Variants in TRIM24 observed in about 807,000 individuals in gnomAD.
TRIM24 encodes transcription intermediary factor 1-alpha.
TRIM24 carries 29 observed loss-of-function variants against 123.9 expected under a neutral mutation model. The ratio of observed to expected loss-of-function variants is 0.23; its 90% confidence interval spans 0.17 to 0.32. The LOEUF is 0.32. TRIM24 is among the 10% of genes least tolerant of loss of function. The probability of loss-of-function intolerance (pLI) is 1.00; values close to 1 mark genes in which losing one functional copy is unlikely to be tolerated. For synonymous variants in TRIM24, 456 were observed against 461.1 expected (o/e 0.99, Z 0.14); for missense variants, 932 against 1,295.3 (o/e 0.72, Z 4.31).
At position 138,460,352 on chromosome 7, in the gene TRIM24, G is replaced by C. The variant is rs1389711931; in HGVS notation, c.-197G>C. 4.3e-6 allele frequency: 2 copies of C among 470,572 alleles called. No individual in the cohort carries two copies. The highest frequency in any genetic ancestry group is 6.8e-6 in the Non-Finnish European group (2 of 292,928). The allele number at this position is 470,572 out of a possible 1,614,324, so 29.1% of individuals were successfully genotyped here. On this transcript the variant is annotated 5_prime_UTR_variant, in exon 1 of 19. Coordinates refer to ENST00000343526, the MANE Select transcript of TRIM24 (RefSeq NM_015905.3). ...CTCCGCTGACAGATACCCTCCTTCC[G>C]GCCGCGCCACTCGGGAGGCGGATCC...
chr7:138,485,795 T>C (rs934322836), intron 1 of TRIM24, among the ~76,000 whole-genome samples: 1 of 152,204 alleles, frequency 6.6e-6, no homozygotes, highest in Non-Finnish European at 1.5e-5. Flanking sequence ...AGTGCCACAA[T>C]AAACATACAT....
chr7:138,520,072 T>C (rs1796474926), intron 4 of TRIM24, among the ~76,000 whole-genome samples: 1 of 152,104 alleles, frequency 6.6e-6, no homozygotes, highest in African/African-American at 2.4e-5. Flanking sequence ...TAGTAAAGCA[T>C]TATTGGACAG....
chr7:138,536,824 A>G (rs1028198238), intron 6 of TRIM24, among the ~76,000 whole-genome samples: 4 of 152,180 alleles, frequency 2.6e-5, no homozygotes, highest in African/African-American at 9.6e-5. Flanking sequence ...TGGCGTCTGC[A>G]GAGGCACGCA....
intron 6 of TRIM24, among the ~76,000 whole-genome samples, chr7:138,531,341 A>G (rs1488038262): frequency 2.0e-5 from 3 of 147,232 alleles, no homozygotes; most frequent in African/African-American, 8.1e-5. Context: ...TACATTAGGT[A>G]TATCTCCCAA....
In TRIM24 at chr7:138,538,718, C is replaced by G. The variant is rs912601127; in HGVS notation, c.1058C>G (p.Ser353Cys). 6.2e-7 allele frequency: 1 copy of G among 1,613,992 alleles called. No homozygotes were observed. The highest frequency in any genetic ancestry group is 8.5e-7 in the Non-Finnish European group (1 of 1,179,932). Residue 353 changes from serine (S) to cysteine (C), a missense_variant, in exon 7 of 19, where the codon TCT becomes TGT. This residue lies in a region of TRIM24 where 527 missense variants were observed against 691.3 expected (regional missense o/e 0.76). Coordinates refer to ENST00000343526, the MANE Select transcript of TRIM24 (RefSeq NM_015905.3). ...CAACAACAGGAAGTGGCTGGACTCTCTAAACAATTGGAGCATGTCATGCAT... is the reference window on the plus strand; with the variant it reads ...CAACAACAGGAAGTGGCTGGACTCTGTAAACAATTGGAGCATGTCATGCAT... ...MQQQQEVAGL[S>C]KQLEHVMHFS... is the part of the protein sequence containing the mutation.
chr7:138,551,209 C>A, intron 8 of TRIM24, 29 bp downstream of exon 8: 1 of 1,541,684 alleles, frequency 6.5e-7, no homozygotes, highest in Non-Finnish European at 9.0e-7. Context: ...ATACATTTCT[C>A]AGTGGCATTT....
At chr7:138,558,507 C>T (rs1797361913) in intron 9 of TRIM24, among the ~76,000 whole-genome samples, 1 of 152,126 alleles carries the variant, frequency 6.6e-6, no homozygotes, top group African/African-American at 2.4e-5. Context: ...GATGGTTCCT[C>T]CACATGCATA....
chr7:138,567,595 C>T lies in TRIM24; in HGVS notation c.1645C>T (p.Gln549Ter). 6.2e-7 allele frequency: 1 copy of T among 1,613,872 alleles called. No individual in the cohort carries two copies. Among genetic ancestry groups the T allele is most frequent in the Non-Finnish European group, 8.5e-7 (1 of 1,179,878 alleles). ...TCCACCAAACCAGAACATACCACGA[C>T]AAGCAATAAAGCCAAACCCCCTACA... ...RYPPNQNIPR[Q>*]AIKPNPLQMA... The change falls in exon 10 of 19, where the codon CAA (glutamine) becomes TAA (stop). Residue 549 changes from glutamine to a stop codon, truncating the protein, a stop_gained. Coordinates refer to ENST00000343526, the MANE Select transcript of TRIM24 (RefSeq NM_015905.3). LOFTEE classifies it high-confidence loss of function.
chr7:138,478,438 A>G (rs1795451895), intron 1 of TRIM24, among the ~76,000 whole-genome samples: 1 of 152,160 alleles, frequency 6.6e-6, no homozygotes, highest in African/African-American at 2.4e-5. Context: ...GACTAATTCA[A>G]GACCAGCCTG....
At chr7:138,528,119 C>A (rs1195238319) in intron 5 of TRIM24, among the ~76,000 whole-genome samples, 1 of 152,088 alleles carries the variant, frequency 6.6e-6, no homozygotes, top group Non-Finnish European at 1.5e-5. Flanking sequence ...TCTAGGCTTG[C>A]TCTAGTGCCT....
intron 1 of TRIM24, among the ~76,000 whole-genome samples, chr7:138,503,131 A>G (rs182444471): frequency 7.1e-6 from 1 of 140,460 alleles, no homozygotes; most frequent in Admixed American, 7.6e-5. Flanking sequence ...TGATATATAT[A>G]AAGTGTGCAT....
chr7:138,589,405 T>G lies in TRIM24; in HGVS notation c.*4454T>G, dbSNP rs1798068820. ...ATATTTTACCACAAGGATTTTTTAA[T>G]AGAAAAATTACTGAATGTTACTTCA... On this transcript the variant is annotated 3_prime_UTR_variant, in exon 19 of 19. Transcript: ENST00000343526. 6.6e-6 allele frequency: 1 copy of G among 152,210 alleles called. No homozygotes were observed. The highest frequency in any genetic ancestry group is 2.4e-5 in the African/African-American group (1 of 41,450). 9.4% of individuals were successfully genotyped at this position (152,210 alleles called of 1,614,324 possible). A position where few individuals can be genotyped will look rare whatever the true frequency, so the allele number is the denominator to read the frequency against.
chr7:138,584,597 C>T, intron 18 of TRIM24, 145 bp from the exon 19 acceptor site: 7 of 567,172 alleles, frequency 1.2e-5, no homozygotes, highest in Non-Finnish European at 2.0e-5. Flanking sequence ...TTTTAGCTGG[C>T]CTTCTGTACA....
chr7:138,513,793 C>T (rs530259355), intron 2 of TRIM24, among the ~76,000 whole-genome samples: 196 of 152,276 alleles, frequency 1.3e-3, no homozygotes, highest in Non-Finnish European at 2.4e-3. Flanking sequence ...ACACACTTTT[C>T]CTGTTTTATT....
In TRIM24 at chr7:138,461,099, G is replaced by A. The variant is rs536384913; in HGVS notation, c.364+187G>A. 4.1e-6 allele frequency: 3 copies of A among 740,372 alleles called. No individual in the cohort carries two copies. In the African/African-American group the frequency reaches 5.2e-5, roughly 13 times the overall value. 45.9% of individuals were successfully genotyped at this position (740,372 alleles called of 1,614,324 possible). On this transcript the variant is annotated intron_variant, in intron 1 of 18. Coordinates refer to ENST00000343526, the MANE Select transcript of TRIM24 (RefSeq NM_015905.3). Reference sequence around the variant, plus strand: ...CCGCGCTCTGCGGCGTGTCGCGCTCGGCCAGCAACTTCCCCGGGCGCTGTG... The same window carrying A: ...CCGCGCTCTGCGGCGTGTCGCGCTCAGCCAGCAACTTCCCCGGGCGCTGTG...
At chr7:138,562,709 A>C (rs555413381) in intron 9 of TRIM24, among the ~76,000 whole-genome samples, 8 of 152,302 alleles carry the variant, frequency 5.3e-5, no homozygotes, top group African/African-American at 1.7e-4. Flanking sequence ...TCTTCAGCCC[A>C]TACTCCAGGA....
intron 2 of TRIM24, among the ~76,000 whole-genome samples, chr7:138,509,007 G>A (rs1241135042): frequency 6.6e-6 from 1 of 151,970 alleles, no homozygotes; most frequent in Non-Finnish European, 1.5e-5. Flanking sequence ...GGAGTGCAGT[G>A]GCGTGATCTC....
intron 1 of TRIM24, among the ~76,000 whole-genome samples, chr7:138,496,294 G>A (rs775052061): frequency 2.8e-4 from 43 of 152,066 alleles, no homozygotes; most frequent in Non-Finnish European, 5.6e-4. Flanking sequence ...TACATGTCCT[G>A]CATATCTTTG....
At chr7:138,545,323 G>GC (rs1797080703) in intron 7 of TRIM24, 2 of 427,928 alleles carry the variant, frequency 4.7e-6, no homozygotes, top group Admixed American at 2.4e-5. Context: ...GAAGCTGGCA[G>GC]CCACGGATGT....
Sources: gnomAD v4.1 joint callset for allele counts (sites outside exome capture counted in the v4.1 genomes callset) on GRCh38, gnomAD v4.1.1 for gene constraint, gnomAD v4.1.1 regional missense constraint, MANE v1.5 for transcripts, NCBI Gene and HGNC (gene_info 2026-07-23, HGNC 2026-07-21) for gene names.